The following PACSIN1 variants were observed in gnomAD, a reference collection of about 807,000 sequenced individuals.
The protein encoded by PACSIN1 is protein kinase C and casein kinase substrate in neurons protein 1.
In PACSIN1, 15 loss-of-function variants were observed where a neutral mutation model predicts 59.5. The observed-to-expected ratio is 0.25, with a 90% CI of 0.17 to 0.39. The LOEUF is 0.39. PACSIN1 is among the 10% of genes least tolerant of loss of function. The probability of loss-of-function intolerance (pLI) is 1.00; values close to 1 mark genes in which losing one functional copy is unlikely to be tolerated. For synonymous variants in PACSIN1, 210 were observed against 220.6 expected (o/e 0.95, Z 0.42); for missense variants, 420 against 580.2 (o/e 0.72, Z 2.84).
chr6:34,481,402 G>A (rs1033604630), intron 1 of PACSIN1, among the ~76,000 whole-genome samples: 1 of 152,162 alleles, frequency 6.6e-6, no homozygotes, highest in Admixed American at 6.5e-5. Flanking sequence ...CCCTTGCTTG[G>A]CCGGGTGCGG....
At chr6:34,528,525 G>A in intron 3 of PACSIN1, 117 bp from the exon 4 acceptor site, 2 of 787,374 alleles carry the variant, frequency 2.5e-6, no homozygotes, top group Non-Finnish European at 4.4e-6. Context: ...ACGTAGAGCA[G>A]AGGAGGGCAT....
intron 1 of PACSIN1, among the ~76,000 whole-genome samples, chr6:34,510,659 C>G (rs1020902822): frequency 2.0e-5 from 3 of 152,216 alleles, no homozygotes; most frequent in Admixed American, 2.0e-4. Flanking sequence ...GTCATCTCTT[C>G]AAAGGAGGAT....
rs567010014 is a variant in PACSIN1 at position 34,511,311 on chromosome 6, T to C, written c.-63-14932T>C. Among the ~76,000 whole-genome samples, 10 of 152,302 alleles carry C rather than the reference T, an allele frequency of 6.6e-5. No individual in the cohort carries two copies. In the South Asian group the frequency reaches 1.9e-3, roughly 28 times the overall value. ...CACACTCTGATCACCTGGGATCCTG[T>C]GAAAATGCAGATTCTGATGTGGGAA... On this transcript the variant is annotated intron_variant, in intron 1 of 9. Transcript: ENST00000244458.
At chr6:34,486,882 T>C (rs988230256) in intron 1 of PACSIN1, among the ~76,000 whole-genome samples, 2 of 151,918 alleles carry the variant, frequency 1.3e-5, no homozygotes, top group African/African-American at 4.8e-5. Context: ...TAAATTGAGA[T>C]ATAGTTGGGT....
rs1251489357 is a variant in PACSIN1 at position 34,529,355 on chromosome 6, T to C, written c.457-42T>C. The C allele has an allele frequency of 1.9e-6, 3 of 1,598,362 alleles. No homozygotes were observed. The Admixed American group carries it at 5.0e-5, about 27-fold the overall frequency. On this transcript the variant is annotated intron_variant, in intron 4 of 9. Transcript: ENST00000244458. The surrounding 1 kb of genome is among the most constrained non-coding windows in gnomAD (Gnocchi z 6.3). Reference sequence around the variant, plus strand: ...AATGGGTGACCATGTTTGCTGCTGGTCACAAATGAAAACCCTACTCCCTAT... The same window carrying C: ...AATGGGTGACCATGTTTGCTGCTGGCCACAAATGAAAACCCTACTCCCTAT...
At chr6:34,489,130 G>A (rs374356391) in intron 1 of PACSIN1, among the ~76,000 whole-genome samples, 6 of 151,226 alleles carry the variant, frequency 4.0e-5, no homozygotes, top group East Asian at 3.9e-4. Flanking sequence ...GTAGTGAGCC[G>A]AGTTGGTGCC....
intron 1 of PACSIN1, among the ~76,000 whole-genome samples, chr6:34,510,415 T>C (rs76057591): frequency 0.013 from 1,997 of 152,304 alleles, 39 homozygotes; most frequent in African/African-American, 0.044. Context: ...GCCTGCCTCT[T>C]CTTTATCACT....
At position 34,502,718 on chromosome 6, in the gene PACSIN1, G is replaced by A. The variant is rs551149683; in HGVS notation, c.-63-23525G>A. 5.3e-5 allele frequency among the ~76,000 whole-genome samples: 8 copies of A among 151,958 alleles called. No individual in the cohort carries two copies. The East Asian group carries it at 1.2e-3, about 22-fold the overall frequency. On this transcript the variant is annotated intron_variant, in intron 1 of 9. Transcript: ENST00000244458. ...CCTGACCTTGTGATCTGCCCACCTC[G>A]GCCTCCCAAAGTGCTGGGATCACAG... is the stretch of plus-strand genomic sequence containing the variant.
rs112788314 is a variant in PACSIN1, at chr6:34,482,381, C to T, written c.-64+16111C>T. On this transcript the variant is annotated intron_variant, in intron 1 of 9. Coordinates refer to ENST00000244458, the MANE Select transcript of PACSIN1 (RefSeq NM_020804.5). The stretch of plus-strand genomic sequence containing the variant: ...GATTACAGGTGTGAGCCACTGCGCC[C>T]AGCCTTGGCTTCTTTCACTTAGTAT... 8.1e-3 allele frequency among the ~76,000 whole-genome samples: 1,234 copies of T among 152,284 alleles called. 22 individuals are homozygous for T. The highest frequency in any genetic ancestry group is 0.028 in the African/African-American group (1,164 of 41,568).
At position 34,525,873 on chromosome 6, in the gene PACSIN1, G is replaced by A. The variant is rs1212280708; in HGVS notation, c.-63-370G>A. On this transcript the variant is annotated intron_variant, in intron 1 of 9. Transcript: ENST00000244458. The surrounding 1 kb of genome is among the most constrained non-coding windows in gnomAD (Gnocchi z 4.9). ...GGGGCTGCTGAGGTTGGGAGCAAGG[G>A]CAGACAGAAGGGCATTTACAGGGTC... 6.6e-6 allele frequency among the ~76,000 whole-genome samples: 1 copy of A among 152,168 alleles called. No homozygotes were observed. The highest frequency in any genetic ancestry group is 1.5e-5 in the Non-Finnish European group (1 of 68,032).
intron 1 of PACSIN1, among the ~76,000 whole-genome samples, chr6:34,490,719 T>C (rs1456231308): frequency 6.6e-6 from 1 of 152,180 alleles, no homozygotes; most frequent in African/African-American, 2.4e-5. Context: ...CCGGCCTTCC[T>C]GAAGAAGACA....
chr6:34,501,323 G>A (rs1417904352), intron 1 of PACSIN1, among the ~76,000 whole-genome samples: 4 of 152,230 alleles, frequency 2.6e-5, no homozygotes, highest in African/African-American at 9.6e-5. Flanking sequence ...TTCCTTGGGT[G>A]AAGAAATACC....
intron 1 of PACSIN1, among the ~76,000 whole-genome samples, chr6:34,504,288 ATATT>A (rs1205293710): frequency 0.035 from 3,519 of 99,716 alleles, 54 homozygotes; most frequent in Non-Finnish European, 0.048. Flanking sequence ...ATATATATAT[ATATT>A]TTTTTTTTTT....
At chr6:34,513,804 A>G (rs1231402562) in intron 1 of PACSIN1, among the ~76,000 whole-genome samples, 2 of 152,098 alleles carry the variant, frequency 1.3e-5, no homozygotes, top group Non-Finnish European at 2.9e-5. Context: ...TGCTGAGATC[A>G]GATTAGTGCC....
Position 34,488,607 on chromosome 6 carries a change from T to A in PACSIN1, c.-64+22337T>A, listed in dbSNP as rs1425857058. 6.6e-6 allele frequency among the ~76,000 whole-genome samples: 1 copy of A among 152,214 alleles called. No individual in the cohort carries two copies. On this transcript the variant is annotated intron_variant, in intron 1 of 9. Transcript: ENST00000244458. The surrounding 1 kb of genome is among the most constrained non-coding windows in gnomAD (Gnocchi z 4.7). Reference sequence around the variant, plus strand: ...TTCTACCCCATAGTTCTTAGATGCATGTATTCTAGTCCCATTAGGGACTCA... The same window carrying A: ...TTCTACCCCATAGTTCTTAGATGCAAGTATTCTAGTCCCATTAGGGACTCA...
At chr6:34,523,835 G>T (rs1380371594) in intron 1 of PACSIN1, among the ~76,000 whole-genome samples, 1 of 152,170 alleles carries the variant, frequency 6.6e-6, no homozygotes, top group Non-Finnish European at 1.5e-5. Context: ...CATGATACGG[G>T]GGTCCACATG....
rs773640102 is a variant in PACSIN1 at position 34,527,492 on chromosome 6, C to G, written c.220+4C>G. On this transcript the variant is annotated splice_donor_region_variant and intron_variant, in intron 3 of 9. Coordinates refer to ENST00000244458, the MANE Select transcript of PACSIN1 (RefSeq NM_020804.5). ...TGGCGCCAGCTCATCGAGAAAGGTG[C>G]TCCCCCAGGCTCACATCGTGCGCGC... The G allele has an allele frequency of 6.3e-7, 1 of 1,584,112 alleles. No homozygotes were observed. Among genetic ancestry groups the G allele is most frequent in the South Asian group, 1.2e-5 (1 of 86,376 alleles).
chr6:34,508,549 G>A (rs984239542), intron 1 of PACSIN1, among the ~76,000 whole-genome samples: 5 of 152,178 alleles, frequency 3.3e-5, no homozygotes, highest in Admixed American at 1.3e-4. Context: ...TTAGAGGCGT[G>A]AGTCACTGTG....
chr6:34,477,656 C>A (rs1395613581), intron 1 of PACSIN1, among the ~76,000 whole-genome samples: 3 of 152,202 alleles, frequency 2.0e-5, no homozygotes, highest in African/African-American at 7.2e-5. Flanking sequence ...AGCTAGACTT[C>A]TACAAAGAAC....
Sources: gnomAD v4.1 joint callset for allele counts (sites outside exome capture counted in the v4.1 genomes callset) on GRCh38, gnomAD v4.1.1 for gene constraint, Gnocchi (gnomAD v3.1) non-coding constraint, MANE v1.5 for transcripts, NCBI Gene and HGNC (gene_info 2026-07-23, HGNC 2026-07-21) for gene names.